IPCEF1: variants seen among roughly 807,000 people sequenced by gnomAD.
IPCEF1 encodes the protein interactor protein for cytohesin exchange factors 1.
A neutral mutation model predicts 50.9 loss-of-function variants in IPCEF1; 31 were observed. That is an observed-to-expected ratio of 0.61 (90% CI 0.46 to 0.82). IPCEF1 has a LOEUF of 0.82. IPCEF1 is among the 40% of genes least tolerant of loss of function. IPCEF1 has a pLI of 0.00. For synonymous variants in IPCEF1, 181 were observed against 192.0 expected, an observed-to-expected ratio of 0.94 and a Z score of 0.47; for missense variants, 458 against 514.0, an observed-to-expected ratio of 0.89 and a Z score of 1.05.
chr6:154,274,650 T>A (rs762075730), intron 2 of IPCEF1, among the ~76,000 whole-genome samples: 4 of 152,158 alleles, frequency 2.6e-5, no homozygotes, highest in Admixed American at 6.5e-5. Context: ...GGGTCTCTTG[T>A]CCTTCTGTGG....
At chr6:154,190,366 TA>T (rs1801762624) in intron 10 of IPCEF1, among the ~76,000 whole-genome samples, 1 of 152,120 alleles carries the variant, frequency 6.6e-6, no homozygotes, top group Non-Finnish European at 1.5e-5. Context: ...CATCTTATGT[TA>T]AAGAAAAGAA....
chr6:154,312,386 G>A (rs543933032), intron 1 of IPCEF1, among the ~76,000 whole-genome samples: 61 of 152,178 alleles, frequency 4.0e-4, no homozygotes, highest in Admixed American at 1.4e-3. Context: ...TTGCTCTGTC[G>A]CCAGGGCTGG....
intron 3 of IPCEF1, 102 bp downstream of exon 3, chr6:154,265,810 G>A: frequency 1.3e-6 from 1 of 792,138 alleles, no homozygotes; most frequent in South Asian, 1.7e-5. Context: ...TAATGAAATT[G>A]AGGACAATAA....
intron 10 of IPCEF1, among the ~76,000 whole-genome samples, chr6:154,193,607 A>C (rs942172158): frequency 6.6e-6 from 1 of 152,240 alleles, no homozygotes; most frequent in Admixed American, 6.5e-5. Flanking sequence ...AAAAGAAAGA[A>C]AACCAAGGAT....
At chr6:154,206,466 G>A (rs1777503979) in intron 9 of IPCEF1, among the ~76,000 whole-genome samples, 1 of 152,218 alleles carries the variant, frequency 6.6e-6, no homozygotes. Flanking sequence ...AGTTTCAAAT[G>A]TGTGCTAGGC....
Position 154,219,638 on chromosome 6 carries a change from T to C in IPCEF1, c.392+1619A>G, listed in dbSNP as rs994438156. 3.4e-5 allele frequency among the ~76,000 whole-genome samples: 5 copies of C among 147,684 alleles called. No homozygotes were observed. The East Asian group carries it at 9.9e-4, about 29-fold the overall frequency. ...AACAGGATTTAGCAACTGATGCAAA[T>C]AAAAAAAAAATAAGTAAAGATCTTT... On this transcript the variant is annotated intron_variant, in intron 7 of 11. Transcript: ENST00000367220.
At chr6:154,242,250 C>T (rs1780656961) in intron 5 of IPCEF1, among the ~76,000 whole-genome samples, 1 of 152,136 alleles carries the variant, frequency 6.6e-6, no homozygotes, top group South Asian at 2.1e-4. Context: ...AGGACCTAAT[C>T]GGAACCTTGG....
At chr6:154,234,620 T>TG (rs1779974775) in intron 5 of IPCEF1, among the ~76,000 whole-genome samples, 1 of 152,182 alleles carries the variant, frequency 6.6e-6, no homozygotes, top group African/African-American at 2.4e-5. Context: ...CATATTTAGG[T>TG]GGTGACCAAG....
intron 10 of IPCEF1, among the ~76,000 whole-genome samples, chr6:154,172,510 C>T (rs1183083382): frequency 6.6e-6 from 1 of 152,232 alleles, no homozygotes; most frequent in African/African-American, 2.4e-5. Context: ...CTCGGTGGGT[C>T]CCACACCCAT....
chr6:154,196,171 CAATAT>C (rs1387379243), intron 10 of IPCEF1, among the ~76,000 whole-genome samples: 5 of 152,032 alleles, frequency 3.3e-5, no homozygotes, highest in Non-Finnish European at 7.4e-5. Context: ...GATATATACA[CAATAT>C]AATAATGCAA....
At chr6:154,263,820 G>A (rs1319620532) in intron 3 of IPCEF1, among the ~76,000 whole-genome samples, 1 of 17,240 alleles carries the variant, frequency 5.8e-5, no homozygotes, top group African/African-American at 1.7e-4. Flanking sequence ...CAGTAGGGGC[G>A]GCCAGGCAGA....
intron 5 of IPCEF1, among the ~76,000 whole-genome samples, chr6:154,240,133 A>T (rs1780462343): frequency 6.6e-6 from 1 of 152,234 alleles, no homozygotes; most frequent in African/African-American, 2.4e-5. Context: ...AAGTCTGGGA[A>T]CACATCAGTG....
chr6:154,340,559 T>C (rs1783889452), intron 1 of IPCEF1, among the ~76,000 whole-genome samples: 2 of 151,726 alleles, frequency 1.3e-5, no homozygotes, highest in Non-Finnish European at 2.9e-5. Flanking sequence ...GCCAGTTTTA[T>C]ACATTTTAGA....
intron 1 of IPCEF1, among the ~76,000 whole-genome samples, chr6:154,307,267 T>C (rs1337480510): frequency 6.6e-6 from 1 of 152,140 alleles, no homozygotes; most frequent in Non-Finnish European, 1.5e-5. Context: ...GTTCTCATGA[T>C]AGTGAATGGG....
At chr6:154,247,656 C>A (rs1781169418) in intron 3 of IPCEF1, 168 bp from the exon 4 acceptor site, 2 of 539,622 alleles carry the variant, frequency 3.7e-6, no homozygotes, top group African/African-American at 1.9e-5. Context: ...ACAAAATGTG[C>A]TAATTAGAAT....
chr6:154,231,405 C>T (rs1400495750), intron 5 of IPCEF1, among the ~76,000 whole-genome samples: 1 of 152,200 alleles, frequency 6.6e-6, no homozygotes, highest in Non-Finnish European at 1.5e-5. Flanking sequence ...GGGATCTGTC[C>T]TAACTATACC....
chr6:154,267,828 T>G (rs561206903), intron 2 of IPCEF1, among the ~76,000 whole-genome samples: 1 of 152,244 alleles, frequency 6.6e-6, no homozygotes, highest in South Asian at 2.1e-4. Context: ...GTAGTCCCAA[T>G]GTCTCTGCAG....
intron 7 of IPCEF1, among the ~76,000 whole-genome samples, chr6:154,216,037 G>T (rs1453104365): frequency 6.6e-6 from 1 of 152,086 alleles, no homozygotes; most frequent in Non-Finnish European, 1.5e-5. Flanking sequence ...CATGAAAACT[G>T]ATACAGCCAA....
Position 154,168,958 on chromosome 6 carries a change from C to A in IPCEF1, c.911-845G>T, listed in dbSNP as rs533582840. 6.6e-6 allele frequency among the ~76,000 whole-genome samples: 1 copy of A among 152,120 alleles called. No individual in the cohort carries two copies. The highest frequency in any genetic ancestry group is 1.5e-5 in the Non-Finnish European group (1 of 68,022). ...TTCAACCCATACATAGTCCACCCTC[C>A]GGCCTCCTAAATTCATGTGTTTCTC... On this transcript the variant is annotated intron_variant, in intron 10 of 11. Transcript: ENST00000367220. This position sits in a 1 kb window ranked among gnomAD's most constrained non-coding sequence, Gnocchi z 4.1.
Sources: allele counts gnomAD v4.1 joint callset (sites outside exome capture counted in the v4.1 genomes callset), GRCh38; gene constraint gnomAD v4.1.1; non-coding constraint Gnocchi (gnomAD v3.1); transcripts MANE v1.5; gene names NCBI Gene and HGNC (gene_info 2026-07-23, HGNC 2026-07-21).